Variants in SPOCK1 observed in about 807,000 individuals in gnomAD.
SPOCK1 encodes the protein SPARC (osteonectin), cwcv and kazal like domains proteoglycan 1.
In SPOCK1, 23 loss-of-function variants were observed where a neutral mutation model predicts 55.3. The observed-to-expected ratio is 0.42, with a 90% CI of 0.30 to 0.59. SPOCK1 has a LOEUF of 0.59. SPOCK1 is among the 20% of genes least tolerant of loss of function. The pLI is 0.22. For synonymous variants in SPOCK1, 226 were observed against 221.0 expected, an observed-to-expected ratio of 1.02 and a Z score of -0.20; for missense variants, 499 against 552.5, an observed-to-expected ratio of 0.90 and a Z score of 0.97.
intron 3 of SPOCK1, among the ~76,000 whole-genome samples, chr5:137,187,261 G>C (rs62376276): frequency 0.17 from 25,345 of 152,038 alleles, 2,398 homozygotes; most frequent in South Asian, 0.26. Context: ...TCTGTCAGCA[G>C]CCTGCTTCTC....
At chr5:137,303,206 A>G (rs1388224434) in intron 2 of SPOCK1, among the ~76,000 whole-genome samples, 1 of 152,154 alleles carries the variant, frequency 6.6e-6, no homozygotes, top group Non-Finnish European at 1.5e-5. Context: ...TTAATGATGT[A>G]TATGTAGAAA....
chr5:137,277,587 C>T (rs945673892), intron 2 of SPOCK1, among the ~76,000 whole-genome samples: 4 of 152,146 alleles, frequency 2.6e-5, no homozygotes, highest in Non-Finnish European at 5.9e-5. Flanking sequence ...GAGGTGACAG[C>T]ACAGATGACG....
At chr5:137,367,296 C>G (rs185713148) in intron 2 of SPOCK1, among the ~76,000 whole-genome samples, 3 of 152,298 alleles carry the variant, frequency 2.0e-5, no homozygotes, top group Admixed American at 6.5e-5. Flanking sequence ...TCTCCGTAAG[C>G]CTTTACCATC....
At chr5:137,495,807 G>T (rs1457529614) in intron 2 of SPOCK1, among the ~76,000 whole-genome samples, 1 of 152,160 alleles carries the variant, frequency 6.6e-6, no homozygotes, top group South Asian at 2.1e-4. Flanking sequence ...AAGAGTGTCT[G>T]GTCTGAGTTC....
intron 3 of SPOCK1, among the ~76,000 whole-genome samples, chr5:137,257,484 C>G (rs567541903): frequency 6.6e-6 from 1 of 152,162 alleles, no homozygotes; most frequent in East Asian, 1.9e-4. Context: ...CATCCACAAC[C>G]TGGAAGAGGG....
intron 3 of SPOCK1, among the ~76,000 whole-genome samples, chr5:137,203,234 G>A (rs896233744): frequency 3.3e-5 from 5 of 151,800 alleles, no homozygotes; most frequent in South Asian, 2.1e-4. Flanking sequence ...ATACTTTTCT[G>A]TGCTTGGCCA....
intron 8 of SPOCK1, among the ~76,000 whole-genome samples, chr5:136,987,452 A>G (rs1750865830): frequency 6.6e-6 from 1 of 152,232 alleles, no homozygotes; most frequent in Non-Finnish European, 1.5e-5. Flanking sequence ...GTAACGCCAT[A>G]GAGAATAGGT....
At chr5:137,406,131 C>T (rs548941988) in intron 2 of SPOCK1, among the ~76,000 whole-genome samples, 23 of 152,286 alleles carry the variant, frequency 1.5e-4, no homozygotes, top group African/African-American at 5.5e-4. Context: ...AGCCCAGCCT[C>T]CTACAGAGGC....
intron 2 of SPOCK1, among the ~76,000 whole-genome samples, chr5:137,397,865 ACCCT>A (rs1349369790): frequency 1.3e-5 from 2 of 151,916 alleles, no homozygotes; most frequent in African/African-American, 4.8e-5. Flanking sequence ...GGACACACCC[ACCCT>A]CCTGTCCACA....
intron 2 of SPOCK1, among the ~76,000 whole-genome samples, chr5:137,452,247 G>A (rs542334620): frequency 3.3e-5 from 5 of 152,276 alleles, no homozygotes; most frequent in African/African-American, 1.2e-4. Context: ...ATCACATGCC[G>A]TGTGTTTTGT....
chr5:137,132,369 A>G (rs1238892169), intron 4 of SPOCK1, among the ~76,000 whole-genome samples: 1 of 152,070 alleles, frequency 6.6e-6, no homozygotes, highest in Non-Finnish European at 1.5e-5. Context: ...AATCACACCT[A>G]GTAATTATCT....
chr5:137,231,565 A>C (rs1756065381), intron 3 of SPOCK1, among the ~76,000 whole-genome samples: 1 of 152,234 alleles, frequency 6.6e-6, no homozygotes, highest in African/African-American at 2.4e-5. Context: ...ATGTATCAGC[A>C]GTGCATTCCT....
At chr5:137,114,344 A>G (rs116233085) in intron 4 of SPOCK1, among the ~76,000 whole-genome samples, 1,630 of 152,258 alleles carry the variant, frequency 0.011, 30 homozygotes, top group African/African-American at 0.038. Flanking sequence ...ACAGCTGTAG[A>G]GAGTGTCCAG....
At chr5:137,335,530 G>C (rs1750243838) in intron 2 of SPOCK1, among the ~76,000 whole-genome samples, 1 of 152,108 alleles carries the variant, frequency 6.6e-6, no homozygotes, top group South Asian at 2.1e-4. Context: ...TGAAATAATT[G>C]GCCAAGAGTA....
At chr5:137,450,637 G>A (rs1488101284) in intron 2 of SPOCK1, among the ~76,000 whole-genome samples, 6 of 152,154 alleles carry the variant, frequency 3.9e-5, no homozygotes, top group Non-Finnish European at 8.8e-5. Flanking sequence ...TCCAGGCCCT[G>A]AAAATTATGT....
chr5:137,179,438 C>T (rs1209201658), intron 3 of SPOCK1, among the ~76,000 whole-genome samples: 2 of 152,174 alleles, frequency 1.3e-5, no homozygotes, highest in Non-Finnish European at 2.9e-5. Flanking sequence ...TACAGGCTCC[C>T]AGGGCTGGCA....
chr5:137,399,557 C>T (rs541625066), intron 2 of SPOCK1, among the ~76,000 whole-genome samples: 1 of 152,032 alleles, frequency 6.6e-6, no homozygotes, highest in African/African-American at 2.4e-5. Flanking sequence ...TCTCCATCAT[C>T]GAAAACATTT....
At chr5:137,260,238 C>A (rs1756721169) in intron 3 of SPOCK1, among the ~76,000 whole-genome samples, 1 of 152,176 alleles carries the variant, frequency 6.6e-6, no homozygotes, top group Admixed American at 6.5e-5. Context: ...AAGCAGTTTA[C>A]ATTTAAAAAT....
intron 2 of SPOCK1, among the ~76,000 whole-genome samples, chr5:137,389,213 C>A (rs1015728398): frequency 2.6e-5 from 4 of 152,232 alleles, no homozygotes; most frequent in African/African-American, 9.6e-5. Flanking sequence ...TTGCACAAGA[C>A]TACCAGAAGG....
Sources: allele counts gnomAD v4.1 joint callset (sites outside exome capture counted in the v4.1 genomes callset), GRCh38; gene constraint gnomAD v4.1.1; transcripts MANE v1.5; gene names NCBI Gene and HGNC (gene_info 2026-07-23, HGNC 2026-07-21).